LARP4B: variants seen among roughly 807,000 people sequenced by gnomAD.
LARP4B encodes la-related protein 4B.
In LARP4B, 12 loss-of-function variants were observed where a neutral mutation model predicts 89.8. The observed-to-expected ratio is 0.13, with a 90% CI of 0.09 to 0.22. LARP4B has a LOEUF of 0.22. Ranked by LOEUF, LARP4B falls within the 10% of genes least tolerant of loss-of-function variation. The pLI is 1.00. For synonymous variants in LARP4B, 367 were observed against 363.3 expected, an observed-to-expected ratio of 1.01 and a Z score of -0.12; for missense variants, 757 against 947.7, an observed-to-expected ratio of 0.80 and a Z score of 2.64.
chr10:813,129 G>C lies in LARP4B; in HGVS notation c.2014C>G (p.Gln672Glu). ...CCACAACCAACAGTGTTTGGCTTTT[G>C]TTCTTTTTGGGGTTGCAATGGGGAA... ...PSSPLQPQKE[Q>E]KPNTVGCGKE... The change falls in exon 18 of 18, where the codon CAA becomes GAA. Residue 672 changes from glutamine (Q) to glutamate (E), a missense_variant. Around this residue, in one of 5 missense-constraint regions of LARP4B, gnomAD observed 387 missense variants for 423.6 expected, o/e 0.91. Coordinates refer to ENST00000316157, the MANE Select transcript of LARP4B (RefSeq NM_015155.3). The C allele has an allele frequency of 1.2e-6, 2 of 1,614,100 alleles. 1 individual carries two copies. Among genetic ancestry groups the C allele is most frequent in the South Asian group, 2.2e-5 (2 of 91,076 alleles).
At chr10:926,711 C>T (rs1383628989) in intron 1 of LARP4B, among the ~76,000 whole-genome samples, 1 of 152,166 alleles carries the variant, frequency 6.6e-6, no homozygotes, top group Admixed American at 6.5e-5. Flanking sequence ...ATCATACTCC[C>T]CCTAAAAAAC....
chr10:943,613 T>G, the LARP4B span, among the ~76,000 whole-genome samples: 2 of 152,174 alleles, frequency 1.3e-5, no homozygotes, highest in African/African-American at 2.4e-5. Flanking sequence ...GCCTCCATTC[T>G]GAGTGGTTAT....
At chr10:927,040 A>C (rs1406228721) in intron 1 of LARP4B, among the ~76,000 whole-genome samples, 1 of 112,448 alleles carries the variant, frequency 8.9e-6, no homozygotes, top group Non-Finnish European at 2.1e-5. Context: ...ACTCGGTCTC[A>C]AAAAAAAAAA....
At chr10:934,966 G>A (rs138845256), upstream of LARP4B, among the ~76,000 whole-genome samples, 14 of 152,214 alleles carry the variant, frequency 9.2e-5, no homozygotes, top group East Asian at 2.3e-3. Flanking sequence ...CCTGCAATGC[G>A]ACCTTCACCG....
the LARP4B span, among the ~76,000 whole-genome samples, chr10:968,630 C>G: frequency 6.6e-6 from 1 of 152,232 alleles, no homozygotes; most frequent in Non-Finnish European, 1.5e-5. Context: ...CCTGAAAGCT[C>G]AGCCTCTGAC....
At chr10:965,442 G>A in the LARP4B span, among the ~76,000 whole-genome samples, 34 of 151,910 alleles carry the variant, frequency 2.2e-4, 1 homozygote, top group East Asian at 1.9e-4. Flanking sequence ...GCTCCCCCCC[G>A]TTTCTCGGTT....
chr10:861,685 G>C (rs1230490096), intron 5 of LARP4B, among the ~76,000 whole-genome samples: 1 of 152,064 alleles, frequency 6.6e-6, no homozygotes, highest in East Asian at 1.9e-4. Context: ...TCTTCAGGCA[G>C]ATTTTCACAA....
At chr10:845,550 G>C (rs901498733) in intron 5 of LARP4B, among the ~76,000 whole-genome samples, 6 of 152,208 alleles carry the variant, frequency 3.9e-5, no homozygotes, top group African/African-American at 1.4e-4. Context: ...AGAGTCGAAG[G>C]AACAAGTGAG....
chr10:979,286 T>C, the LARP4B span, among the ~76,000 whole-genome samples: 3 of 152,216 alleles, frequency 2.0e-5, no homozygotes, highest in Admixed American at 6.5e-5. Context: ...CAGTGTTGTG[T>C]GTTTTCCATT....
At chr10:888,601 A>G (rs1274839097) in intron 1 of LARP4B, among the ~76,000 whole-genome samples, 1 of 152,222 alleles carries the variant, frequency 6.6e-6, no homozygotes, top group Non-Finnish European at 1.5e-5. Flanking sequence ...ACTTCTAATT[A>G]AAGACCCAAA....
chr10:827,763 G>A (rs1242753324), intron 11 of LARP4B, among the ~76,000 whole-genome samples: 4 of 152,200 alleles, frequency 2.6e-5, no homozygotes, highest in South Asian at 2.1e-4. Flanking sequence ...GGCAAGCCAC[G>A]TGCAGCGATG....
At position 822,182 on chromosome 10, in the gene LARP4B, T is replaced by G. The variant is rs990066897; in HGVS notation, c.1485-1337A>C. ...GGCTACAATGACCCATGAGCAGAGCTAGGGATGCAACCAGATGAGAGTCTT... is the reference window on the plus strand; with the variant it reads ...GGCTACAATGACCCATGAGCAGAGCGAGGGATGCAACCAGATGAGAGTCTT... On this transcript the variant is annotated intron_variant, in intron 13 of 17. Transcript: ENST00000316157. This position sits in a 1 kb window ranked among gnomAD's most constrained non-coding sequence, Gnocchi z 4.6. Among the ~76,000 whole-genome samples the G allele has an allele frequency of 2.4e-4, 37 of 152,222 alleles. No individual in the cohort carries two copies. The highest frequency in any genetic ancestry group is 8.7e-4 in the African/African-American group (36 of 41,448).
intron 1 of LARP4B, among the ~76,000 whole-genome samples, chr10:929,191 T>C (rs1226631574): frequency 2.6e-5 from 4 of 152,162 alleles, no homozygotes; most frequent in Non-Finnish European, 4.4e-5. Flanking sequence ...AGAAGCTGTT[T>C]TCTCTGCCCA....
At chr10:873,247 G>C in intron 3 of LARP4B, 3 of 985,316 alleles carry the variant, frequency 3.0e-6, no homozygotes, top group Non-Finnish European at 3.6e-6. Context: ...CCAACACCCA[G>C]AGACCAAAAA....
chr10:809,979 G>A lies in LARP4B; in HGVS notation c.*2947C>T, dbSNP rs1409106933. The A allele has an allele frequency of 6.6e-6, 1 of 152,294 alleles. No homozygotes were observed. Among genetic ancestry groups the A allele is most frequent in the Non-Finnish European group, 1.5e-5 (1 of 68,056 alleles). The allele number at this position is 152,294 out of a possible 1,614,324, so 9.4% of individuals were successfully genotyped here. A position where few individuals can be genotyped will look rare whatever the true frequency, so the allele number is the denominator to read the frequency against. On this transcript the variant is annotated 3_prime_UTR_variant, in exon 18 of 18. Coordinates refer to ENST00000316157, the MANE Select transcript of LARP4B (RefSeq NM_015155.3). ...ATGACAGGAGGGCCTGGGTGAAAAT[G>A]TCAAGACACTCACTCTCAGAGAACG...
intron 1 of LARP4B, among the ~76,000 whole-genome samples, chr10:894,959 C>T (rs1011101598): frequency 6.6e-6 from 1 of 152,094 alleles, no homozygotes; most frequent in South Asian, 2.1e-4. Context: ...CCAAGGCGGG[C>T]GGACTGCCTG....
chr10:888,641 A>G (rs541506904), intron 1 of LARP4B, among the ~76,000 whole-genome samples: 1 of 152,318 alleles, frequency 6.6e-6, no homozygotes, highest in East Asian at 1.9e-4. Flanking sequence ...ATGGCAATAA[A>G]TATGAGCCAC....
the LARP4B span, among the ~76,000 whole-genome samples, chr10:943,906 G>C: frequency 6.6e-6 from 1 of 152,052 alleles, no homozygotes; most frequent in African/African-American, 2.4e-5. Context: ...CCTGATACAG[G>C]CACCATTGAA....
intron 7 of LARP4B, among the ~76,000 whole-genome samples, chr10:836,835 C>G (rs1295618191): frequency 6.6e-6 from 1 of 152,198 alleles, no homozygotes; most frequent in Non-Finnish European, 1.5e-5. Flanking sequence ...TTTCTGTGTG[C>G]CCTTCCCTGG....
Sources: allele counts gnomAD v4.1 joint callset (sites outside exome capture counted in the v4.1 genomes callset), GRCh38; gene constraint gnomAD v4.1.1; regional missense constraint gnomAD v4.1.1; non-coding constraint Gnocchi (gnomAD v3.1); transcripts MANE v1.5; gene names NCBI Gene and HGNC (gene_info 2026-07-23, HGNC 2026-07-21).